ABCA1: variants seen among roughly 807,000 people sequenced by gnomAD.
ABCA1 encodes the protein ATP binding cassette subfamily A member 1, also known as phospholipid-transporting ATPase ABCA1.
ABCA1 carries 133 observed loss-of-function variants against 262.5 expected under a neutral mutation model. The ratio of observed to expected loss-of-function variants is 0.51; its 90% CI spans 0.44 to 0.59. The LOEUF is 0.59. Ranked by LOEUF, ABCA1 falls within the 20% of genes least tolerant of loss-of-function variation. The probability of loss-of-function intolerance (pLI) is 0.00; values close to 1 mark genes in which losing one functional copy is unlikely to be tolerated. For synonymous variants in ABCA1, 1,022 were observed against 1,043.5 expected (o/e 0.98, Z 0.40); for missense variants, 2,452 against 2,777.5 (o/e 0.88, Z 2.63).
intron 2 of ABCA1, among the ~76,000 whole-genome samples, chr9:104,890,352 G>A (rs570779617): frequency 7.2e-5 from 11 of 152,252 alleles, no homozygotes; most frequent in East Asian, 1.9e-4. Flanking sequence ...GGCCAAGGCC[G>A]GTGGATCAGC....
At chr9:104,807,696 C>G (rs1830890005) in intron 30 of ABCA1, among the ~76,000 whole-genome samples, 1 of 151,594 alleles carries the variant, frequency 6.6e-6, no homozygotes, top group Middle Eastern at 3.4e-3. Context: ...GCTTGTAATC[C>G]CAGCTACTCA....
chr9:104,804,748 G>A (rs775553782), intron 31 of ABCA1, 28 bp from the exon 32 acceptor site: 22 of 1,563,064 alleles, frequency 1.4e-5, no homozygotes, highest in South Asian at 7.8e-5. Context: ...CCAAGCATAC[G>A]GGTCTTTATA....
In ABCA1 at chr9:104,840,295, G is replaced by C. The variant is rs371447248; in HGVS notation, c.1038C>G (p.Phe346Leu). Residue 346 changes from phenylalanine to leucine, a missense_variant, in exon 9 of 50, where the codon TTC becomes TTG. Physicochemically the swap from Phe to Leu is conservative, Grantham distance 22. Around this residue, in one of 4 missense-constraint regions of ABCA1, gnomAD observed 1,032 missense variants for 1,089.7 expected, o/e 0.95. Coordinates refer to ENST00000374736, the MANE Select transcript of ABCA1 (RefSeq NM_005502.4). The stretch of plus-strand genomic sequence containing the variant: ...GACACTCACTTGTAGAGTTGTCATA[G>C]AAGGTTTCAGCATCTTCCTCAGTGC... ...GNGTEEDAET[F>L]YDNSTTPYCN... is the part of the protein sequence containing the mutation. 1.2e-6 allele frequency: 2 copies of C among 1,614,108 alleles called. No homozygotes were observed. Among genetic ancestry groups the C allele is most frequent in the African/African-American group, 1.3e-5 (1 of 74,938 alleles).
At chr9:104,919,122 T>C (rs1841995909) in intron 1 of ABCA1, among the ~76,000 whole-genome samples, 3 of 152,150 alleles carry the variant, frequency 2.0e-5, no homozygotes, top group Admixed American at 2.0e-4. Flanking sequence ...GTACAGTGCT[T>C]TAGAAAGCTT....
intron 12 of ABCA1, among the ~76,000 whole-genome samples, chr9:104,832,346 T>C (rs909566112): frequency 1.3e-5 from 2 of 152,232 alleles, no homozygotes; most frequent in African/African-American, 2.4e-5. Flanking sequence ...CTATATAGAA[T>C]AAGCTAGAGT....
At chr9:104,857,735 C>G (rs1215106292) in intron 7 of ABCA1, among the ~76,000 whole-genome samples, 2 of 152,172 alleles carry the variant, frequency 1.3e-5, no homozygotes, top group Non-Finnish European at 2.9e-5. Flanking sequence ...AGGAACATCT[C>G]TTTCCAGATA....
At chr9:104,853,147 G>A (rs772405617) in intron 7 of ABCA1, among the ~76,000 whole-genome samples, 19 of 152,182 alleles carry the variant, frequency 1.2e-4, no homozygotes, top group Non-Finnish European at 2.1e-4. Context: ...GATCCACTTG[G>A]TGGGAATGTG....
At chr9:104,911,930 C>T (rs147261734) in intron 1 of ABCA1, among the ~76,000 whole-genome samples, 21 of 152,246 alleles carry the variant, frequency 1.4e-4, no homozygotes, top group Non-Finnish European at 2.2e-4. Flanking sequence ...TCACACTGTC[C>T]GTTTAAAAAT....
intron 1 of ABCA1, among the ~76,000 whole-genome samples, chr9:104,905,479 T>C (rs1165106384): frequency 6.6e-6 from 1 of 152,246 alleles, no homozygotes; most frequent in South Asian, 2.1e-4. Flanking sequence ...AGAAATTCTC[T>C]GAAATAGTCA....
At chr9:104,838,607 A>C in intron 9 of ABCA1, among the ~76,000 whole-genome samples, 1 of 144,976 alleles carries the variant, frequency 6.9e-6, no homozygotes, top group African/African-American at 2.6e-5. Flanking sequence ...ACGGAGCGAG[A>C]CTCCCTCTCA....
chr9:104,900,897 A>C (rs1442573047), intron 2 of ABCA1, among the ~76,000 whole-genome samples: 1 of 152,256 alleles, frequency 6.6e-6, no homozygotes, highest in Non-Finnish European at 1.5e-5. Flanking sequence ...ACAGGTTAGC[A>C]GGCAGTGGTA....
In ABCA1 at chr9:104,922,720, A is replaced by AT. The variant is rs1251083770; in HGVS notation, c.-93+5214dup. Among the ~76,000 whole-genome samples the AT allele has an allele frequency of 4.6e-5, 7 of 151,820 alleles. 1 individual carries two copies. The highest frequency in any genetic ancestry group is 4.2e-4 in the South Asian group (2 of 4,802). ...CCTATTTCACTTTTACAAGGCAGACATTTTTTTTCAAGACGGAGTCTCACT... is the reference window on the plus strand; with the variant it reads ...CCTATTTCACTTTTACAAGGCAGACATTTTTTTTTCAAGACGGAGTCTCACT... On this transcript the variant is annotated intron_variant, in intron 1 of 49. Transcript: ENST00000374736.
chr9:104,806,580 T>G (rs374889640), intron 30 of ABCA1, 150 bp from the exon 31 acceptor site: 1 of 768,164 alleles, frequency 1.3e-6, no homozygotes, highest in Non-Finnish European at 2.2e-6. Flanking sequence ...ATTTGATTGC[T>G]TGATCCCACA....
chr9:104,828,460 G>A (rs1242107543), intron 15 of ABCA1, among the ~76,000 whole-genome samples: 3 of 152,172 alleles, frequency 2.0e-5, no homozygotes, highest in Non-Finnish European at 4.4e-5. Flanking sequence ...CATAGGTATT[G>A]AGCCCTCATA....
At chr9:104,861,571 C>T in intron 6 of ABCA1, 108 bp downstream of exon 6, 1 of 1,467,938 alleles carries the variant, frequency 6.8e-7, no homozygotes, top group Non-Finnish European at 9.5e-7. Context: ...AACTACCTCC[C>T]TCCCCTTCAC....
In ABCA1 at chr9:104,825,811, T is replaced by G. The variant is rs760221988; in HGVS notation, c.2414A>C (p.Gln805Pro). The G allele has an allele frequency of 6.2e-7, 1 of 1,614,216 alleles. No individual in the cohort carries two copies. Among genetic ancestry groups the G allele is most frequent in the South Asian group, 1.1e-5 (1 of 91,090 alleles). The part of the protein sequence containing the change: ...ALFEEQGIGV[Q>P]WDNLFESPVE... The stretch of plus-strand genomic sequence containing the variant: ...AGGACTCTCAAACAGGTTGTCCCAC[T>G]GCACTCCAATGCCCTGCTCCTCAAA... Residue 805 changes from glutamine to proline, a missense_variant, in exon 17 of 50, where the codon CAG becomes CCG. Gln to Pro is a moderately conservative substitution (Grantham distance 76). Transcript: ENST00000374736.
intron 5 of ABCA1, among the ~76,000 whole-genome samples, chr9:104,868,558 A>G (rs1468446802): frequency 3.3e-5 from 5 of 152,242 alleles, no homozygotes. Context: ...ACTATCCAGC[A>G]GAAGGTCAAG....
intron 1 of ABCA1, among the ~76,000 whole-genome samples, chr9:104,925,464 G>T (rs1423676983): frequency 6.6e-6 from 1 of 152,028 alleles, no homozygotes; most frequent in Non-Finnish European, 1.5e-5. Context: ...ATCTGCAGGG[G>T]AGACAACATA....
intron 1 of ABCA1, among the ~76,000 whole-genome samples, chr9:104,909,718 C>G (rs1317492051): frequency 6.7e-6 from 1 of 148,620 alleles, no homozygotes; most frequent in East Asian, 1.9e-4. Context: ...CACGTGTTCT[C>G]CCACCTCTTC....
Sources: allele counts gnomAD v4.1 joint callset (sites outside exome capture counted in the v4.1 genomes callset), GRCh38; gene constraint gnomAD v4.1.1; regional missense constraint gnomAD v4.1.1; transcripts MANE v1.5; gene names NCBI Gene and HGNC (gene_info 2026-07-23, HGNC 2026-07-21).